IGF1: variants seen among roughly 807,000 people sequenced by gnomAD.
IGF1 encodes the protein insulin like growth factor 1.
IGF1 carries 4 observed loss-of-function variants against 13.8 expected under a neutral mutation model. That is an observed-to-expected ratio of 0.29 (90% CI 0.14 to 0.66). The LOEUF (loss-of-function observed/expected upper bound fraction) is 0.66. IGF1 is among the 30% of genes least tolerant of loss of function. IGF1 has a pLI of 0.78. For missense variants in IGF1, 124 were observed against 188.5 expected (o/e 0.66, Z 2.00); for synonymous variants, 76 against 72.6 (o/e 1.05, Z -0.23).
chr12:102,422,616 T>A (rs866081808), intron 2 of IGF1, among the ~76,000 whole-genome samples: 2 of 152,254 alleles, frequency 1.3e-5, no homozygotes, highest in African/African-American at 2.4e-5. Flanking sequence ...GCTGCTATGG[T>A]CTACAGGTAG....
At chr12:102,429,054 G>T (rs1876498378) in intron 2 of IGF1, among the ~76,000 whole-genome samples, 1 of 152,052 alleles carries the variant, frequency 6.6e-6, no homozygotes, top group African/African-American at 2.4e-5. Flanking sequence ...ATAAATTACT[G>T]CTAAGTTCAG....
intron 2 of IGF1, among the ~76,000 whole-genome samples, chr12:102,455,682 G>T (rs1879327725): frequency 6.6e-6 from 1 of 152,138 alleles, no homozygotes. Context: ...GGCAAGTTGG[G>T]CAGACTCAGG....
At chr12:102,449,396 G>T (rs1374260295) in intron 2 of IGF1, among the ~76,000 whole-genome samples, 1 of 151,780 alleles carries the variant, frequency 6.6e-6, no homozygotes, top group East Asian at 1.9e-4. Flanking sequence ...GGCCAGTCGG[G>T]GGGTGGGGGC....
At chr12:102,448,689 T>TAACAAA (rs1466638690) in intron 2 of IGF1, among the ~76,000 whole-genome samples, 3 of 110,308 alleles carry the variant, frequency 2.7e-5, no homozygotes, top group Admixed American at 9.9e-5. Flanking sequence ...TAGAGTATAA[T>TAACAAA]AAAAAAAAAA....
In IGF1 at chr12:102,407,430, TG is replaced by T. The variant is rs1874271915; in HGVS notation, c.403-4865del. ...TGTATGTAAATTGCATATATTTTCT[TG>T]TTTCCTATACTTCTCTCAGGGATAA... is the stretch of plus-strand genomic sequence containing the variant. On this transcript the variant is annotated intron_variant, in intron 3 of 3. Coordinates refer to ENST00000337514, the MANE Select transcript of IGF1 (RefSeq NM_000618.5). Among the ~76,000 whole-genome samples the T allele has an allele frequency of 2.6e-5, 4 of 152,360 alleles. No individual in the cohort carries two copies. In the South Asian group the frequency reaches 8.3e-4, roughly 32 times the overall value.
At chr12:102,457,839 C>T (rs1400942068) in intron 2 of IGF1, among the ~76,000 whole-genome samples, 3 of 152,108 alleles carry the variant, frequency 2.0e-5, no homozygotes, top group Non-Finnish European at 4.4e-5. Context: ...TGAAGGTAAC[C>T]TTAAGGCAGA....
At position 102,401,786 on chromosome 12, in the gene IGF1, A is replaced by G. The variant is rs1873703048; in HGVS notation, c.*721T>C. 1 of 152,674 alleles carries G rather than the reference A, an allele frequency of 6.5e-6. No individual in the cohort carries two copies. Among genetic ancestry groups the G allele is most frequent in the Non-Finnish European group, 1.5e-5 (1 of 68,046 alleles). 9.5% of individuals were successfully genotyped at this position (152,674 alleles called of 1,614,324 possible). A position where few individuals can be genotyped will look rare whatever the true frequency, so the allele number is the denominator to read the frequency against. ...TGAAGAAACTTTCTATGTTTAAAAC[A>G]TATGCCTAAAAATGATTGGCCTCAA... On this transcript the variant is annotated 3_prime_UTR_variant, in exon 4 of 4. Coordinates refer to ENST00000337514, the MANE Select transcript of IGF1 (RefSeq NM_000618.5).
intron 2 of IGF1, among the ~76,000 whole-genome samples, chr12:102,445,329 G>A (rs1364405638): frequency 3.3e-5 from 5 of 152,162 alleles, no homozygotes; most frequent in African/African-American, 1.2e-4. Context: ...ACTTTGGGCA[G>A]TATGGCAATT....
intron 3 of IGF1, among the ~76,000 whole-genome samples, chr12:102,406,324 C>T (rs1874151700): frequency 6.6e-6 from 1 of 152,176 alleles, no homozygotes; most frequent in Admixed American, 6.5e-5. Context: ...TTAGAAGCAG[C>T]CGTCATCAGA....
chr12:102,410,276 G>A (rs553522246), intron 3 of IGF1, among the ~76,000 whole-genome samples: 2 of 152,288 alleles, frequency 1.3e-5, no homozygotes, highest in South Asian at 4.1e-4. Flanking sequence ...CATGAAGGAT[G>A]TTGTAAAATA....
chr12:102,465,898 C>G (rs1326841666), intron 2 of IGF1, among the ~76,000 whole-genome samples: 1 of 151,616 alleles, frequency 6.6e-6, no homozygotes, highest in Non-Finnish European at 1.5e-5. Flanking sequence ...GATTGCACCA[C>G]TGTACTCCAG....
rs72563703 is a variant in IGF1, at chr12:102,450,284, A to G, written c.220+25359T>C. ...CTACTTTTATGCGACTCTCCTAGAA[A>G]TTGCTCCATGACAAAGAGTAAGAGA... On this transcript the variant is annotated intron_variant, in intron 2 of 3. Transcript: ENST00000337514. 4.6e-3 allele frequency among the ~76,000 whole-genome samples: 696 copies of G among 152,350 alleles called. 6 individuals are homozygous for G. The highest frequency in any genetic ancestry group is 0.016 in the African/African-American group (645 of 41,576).
intron 2 of IGF1, among the ~76,000 whole-genome samples, chr12:102,456,370 G>A (rs1279788839): frequency 1.3e-5 from 2 of 151,672 alleles, no homozygotes; most frequent in African/African-American, 2.4e-5. Context: ...CTTCATTTAG[G>A]GAAAATCAGA....
At chr12:102,418,496 T>G (rs1268622668) in intron 3 of IGF1, among the ~76,000 whole-genome samples, 3 of 152,254 alleles carry the variant, frequency 2.0e-5, no homozygotes, top group African/African-American at 7.2e-5. Context: ...TGATCTCTCA[T>G]CTTGTGCTTT....
At chr12:102,468,326 G>T (rs191862179) in intron 2 of IGF1, among the ~76,000 whole-genome samples, 1 of 152,212 alleles carries the variant, frequency 6.6e-6, no homozygotes, top group South Asian at 2.1e-4. Flanking sequence ...AATGCAGAGG[G>T]CCACATGCAA....
rs1873217125 is a variant in IGF1 at position 102,396,783 on chromosome 12, CCTCT to C, written c.*5720_*5723del. 1 of 396,218 alleles carries C rather than the reference CCTCT, an allele frequency of 2.5e-6. No homozygotes were observed. Among genetic ancestry groups the C allele is most frequent in the Middle Eastern group, 6.4e-4 (1 of 1,572 alleles). The allele number at this position is 396,218 out of a possible 1,614,324, so 24.5% of individuals were successfully genotyped here. A position where few individuals can be genotyped will look rare whatever the true frequency, so the allele number is the denominator to read the frequency against. ...TGAGCAGTAACATTTGGTTTTGTGT[CCTCT>C]CTTTTTTTTTTTTTACTTTAAAAAA... On this transcript the variant is annotated 3_prime_UTR_variant, in exon 4 of 4. Coordinates refer to ENST00000337514, the MANE Select transcript of IGF1 (RefSeq NM_000618.5).
intron 3 of IGF1, among the ~76,000 whole-genome samples, chr12:102,410,136 T>C (rs1874506906): frequency 6.6e-6 from 1 of 152,204 alleles, no homozygotes; most frequent in Admixed American, 6.5e-5. Flanking sequence ...CTGACTCTAT[T>C]TCAAATATTT....
chr12:102,410,811 T>C (rs1874574208), intron 3 of IGF1, among the ~76,000 whole-genome samples: 1 of 152,220 alleles, frequency 6.6e-6, no homozygotes, highest in Non-Finnish European at 1.5e-5. Flanking sequence ...CCTCACTGAA[T>C]TGAGAGAAAT....
intron 2 of IGF1, among the ~76,000 whole-genome samples, chr12:102,464,304 T>C (rs1880140963): frequency 7.0e-6 from 1 of 142,136 alleles, no homozygotes; most frequent in South Asian, 2.3e-4. Flanking sequence ...CAAGTAGACT[T>C]GTTGACTTTT....
Sources: gnomAD v4.1 joint callset for allele counts (sites outside exome capture counted in the v4.1 genomes callset) on GRCh38, gnomAD v4.1.1 for gene constraint, MANE v1.5 for transcripts, NCBI Gene and HGNC (gene_info 2026-07-23, HGNC 2026-07-21) for gene names.